Variants in SYNPO2 observed in about 807,000 individuals in gnomAD.
SYNPO2 encodes the protein synaptopodin 2, also known as synaptopodin-2.
SYNPO2 carries 56 observed loss-of-function variants against 85.0 expected under a neutral mutation model. That is an observed-to-expected ratio of 0.66 (90% CI 0.53 to 0.82). The LOEUF (loss-of-function observed/expected upper bound fraction) is 0.82. Among genes scored for constraint, SYNPO2 ranks in the 40% least tolerant of loss-of-function variants. The pLI is 0.00. For synonymous variants in SYNPO2, 602 were observed against 591.1 expected (o/e 1.02, Z -0.27); for missense variants, 1,575 against 1,534.2 (o/e 1.03, Z -0.44).
chr4:119,048,669 G>A (rs1247005690), intron 4 of SYNPO2, among the ~76,000 whole-genome samples: 4 of 152,120 alleles, frequency 2.6e-5, no homozygotes, highest in Non-Finnish European at 4.4e-5. Flanking sequence ...CCTGGGGTGA[G>A]CAAGTACAAA....
upstream of SYNPO2, among the ~76,000 whole-genome samples, chr4:118,888,103 AC>A (rs1732239264): frequency 6.6e-6 from 1 of 152,222 alleles, no homozygotes; most frequent in South Asian, 2.1e-4. Context: ...CCTGTAGGTG[AC>A]ATTGTACATT....
At chr4:119,055,286 G>C (rs1312494486) in intron 4 of SYNPO2, among the ~76,000 whole-genome samples, 1 of 152,050 alleles carries the variant, frequency 6.6e-6, no homozygotes, top group Admixed American at 6.6e-5. Context: ...TGAGTAGCAG[G>C]GATTACAGGC....
intron 4 of SYNPO2, among the ~76,000 whole-genome samples, chr4:119,055,154 TTTA>T (rs1262389873): frequency 1.2e-4 from 17 of 145,784 alleles, no homozygotes; most frequent in African/African-American, 4.7e-4. Context: ...TATTTATTTA[TTTA>T]TTTTTTTTTT....
At chr4:118,983,809 G>T (rs1293582334) in intron 1 of SYNPO2, among the ~76,000 whole-genome samples, 1 of 151,692 alleles carries the variant, frequency 6.6e-6, no homozygotes, top group Non-Finnish European at 1.5e-5. Flanking sequence ...CAGGATATTT[G>T]TCATTTCCAC....
At chr4:118,897,254 T>C (rs1191132655) in intron 1 of SYNPO2, among the ~76,000 whole-genome samples, 1 of 152,084 alleles carries the variant, frequency 6.6e-6, no homozygotes, top group African/African-American at 2.4e-5. Flanking sequence ...TCACTCACTA[T>C]CATGAGAACA....
chr4:118,879,489 T>G (rs1203867437), intron 1 of SYNPO2, among the ~76,000 whole-genome samples: 5 of 152,148 alleles, frequency 3.3e-5, no homozygotes, highest in Non-Finnish European at 5.9e-5. Flanking sequence ...ACAAGAGAGA[T>G]GATCTTTCTC....
chr4:118,946,474 G>C (rs1194298695), intron 1 of SYNPO2, among the ~76,000 whole-genome samples: 2 of 125,078 alleles, frequency 1.6e-5, no homozygotes, highest in Non-Finnish European at 3.7e-5. Flanking sequence ...CCCAGTTTTA[G>C]AAATCTGCCA....
At chr4:118,995,385 A>G (rs1227035096) in intron 1 of SYNPO2, among the ~76,000 whole-genome samples, 1 of 152,194 alleles carries the variant, frequency 6.6e-6, no homozygotes, top group East Asian at 1.9e-4. Context: ...TTTACTATTT[A>G]TTGTATACCT....
At position 119,026,629 on chromosome 4, in the gene SYNPO2, C is replaced by G; in HGVS notation, c.260C>G (p.Pro87Arg). ...TDSLQMLIKR[P>R]SSGISEALIS... is the part of the protein sequence containing the mutation. ...TGGAATGATTTTTCTGTGTGCAGAC[C>G]ATCCAGTGGAATAAGTGAGGCTTTG... Residue 87 changes from proline (P) to arginine (R), a missense_variant and splice_region_variant, in exon 3 of 5, where the codon CCA (proline) becomes CGA (arginine). Transcript: ENST00000307142. 6.3e-7 allele frequency: 1 copy of G among 1,595,866 alleles called. No individual in the cohort carries two copies. Among genetic ancestry groups the G allele is most frequent in the East Asian group, 2.2e-5 (1 of 44,820 alleles).
chr4:118,894,991 C>T (rs975117244), intron 1 of SYNPO2, among the ~76,000 whole-genome samples: 2 of 152,142 alleles, frequency 1.3e-5, no homozygotes, highest in Admixed American at 1.3e-4. Context: ...GACTAACATA[C>T]ATAAAGAACA....
intron 4 of SYNPO2, among the ~76,000 whole-genome samples, chr4:119,056,150 C>T (rs1402514356): frequency 3.3e-5 from 5 of 152,220 alleles, no homozygotes; most frequent in African/African-American, 1.2e-4. Context: ...CACACAGCCT[C>T]ATGCATATTG....
intron 4 of SYNPO2, among the ~76,000 whole-genome samples, chr4:119,045,704 T>A (rs904709038): frequency 2.0e-5 from 3 of 152,220 alleles, no homozygotes; most frequent in Admixed American, 6.5e-5. Flanking sequence ...TTTTTTATGT[T>A]TGAACCAATT....
At position 119,007,263 on chromosome 4, in the gene SYNPO2, T is replaced by C. The variant is rs28495058; in HGVS notation, c.106-16167T>C. 5.7e-4 allele frequency among the ~76,000 whole-genome samples: 44 copies of C among 77,756 alleles called. 2 individuals are homozygous for C. Among genetic ancestry groups the C allele is most frequent in the African/African-American group, 2.1e-3 (38 of 17,700 alleles). The allele number at this position is 77,756 out of a possible 152,430, so 51.0% of individuals were successfully genotyped here. A position where few individuals can be genotyped will look rare whatever the true frequency, so the allele number is the denominator to read the frequency against. On this transcript the variant is annotated intron_variant, in intron 1 of 4. Coordinates refer to ENST00000307142, the MANE Select transcript of SYNPO2 (RefSeq NM_133477.3). ...ATATATATGTATATACATATATATA[T>C]ATATATATATATGTATATACATATA...
intron 1 of SYNPO2, among the ~76,000 whole-genome samples, chr4:118,869,716 C>G (rs1342569634): frequency 1.3e-5 from 2 of 152,288 alleles, no homozygotes; most frequent in East Asian, 3.9e-4. Context: ...AAAAAACTTA[C>G]AACTGGGAGA....
rs752671603 is a variant in SYNPO2 at position 119,030,723 on chromosome 4, C to T, written c.1948C>T (p.Pro650Ser). 3 of 1,614,164 alleles carry T rather than the reference C, an allele frequency of 1.9e-6. No individual in the cohort carries two copies. The highest frequency in any genetic ancestry group is 2.5e-6 in the Non-Finnish European group (3 of 1,180,032). Residue 650 changes from proline (P) to serine (S), a missense_variant, in exon 4 of 5, where the codon CCC becomes TCC. By Grantham distance (74) the Pro-to-Ser change is moderately conservative. Coordinates refer to ENST00000307142, the MANE Select transcript of SYNPO2 (RefSeq NM_133477.3). ...TGGCCCAGCACAGCCCCCTCCATGG[C>T]CCCAGCCTGCCCCGTGGTCCCAGCC... is the stretch of plus-strand genomic sequence containing the variant. ...IAGPAQPPPW[P>S]QPAPWSQPAF...
chr4:118,965,750 T>A (rs1366684912), intron 1 of SYNPO2, among the ~76,000 whole-genome samples: 1 of 152,102 alleles, frequency 6.6e-6, no homozygotes, highest in Admixed American at 6.6e-5. Flanking sequence ...CCTGTCCTCA[T>A]GGATTTACAT....
At chr4:118,969,554 T>TGATTATTAATGTTCAC (rs1735456383) in intron 1 of SYNPO2, among the ~76,000 whole-genome samples, 1 of 152,188 alleles carries the variant, frequency 6.6e-6, no homozygotes, top group African/African-American at 2.4e-5. Flanking sequence ...TTTATGGTCA[T>TGATTATTAATGTTCAC]GATTATTAAT....
intron 1 of SYNPO2, among the ~76,000 whole-genome samples, chr4:118,923,338 A>T (rs1255373528): frequency 1.3e-5 from 2 of 152,114 alleles, no homozygotes; most frequent in African/African-American, 2.4e-5. Flanking sequence ...GTGGGAGCTA[A>T]ACATTGAGTA....
intron 4 of SYNPO2, among the ~76,000 whole-genome samples, chr4:119,053,803 T>C (rs1490203851): frequency 6.6e-6 from 1 of 152,230 alleles, no homozygotes; most frequent in African/African-American, 2.4e-5. Flanking sequence ...CACTGCAATG[T>C]ATGCTTTCAC....
Sources: allele counts gnomAD v4.1 joint callset (sites outside exome capture counted in the v4.1 genomes callset), GRCh38; gene constraint gnomAD v4.1.1; transcripts MANE v1.5; gene names NCBI Gene and HGNC (gene_info 2026-07-23, HGNC 2026-07-21).